Variants in VDAC1 observed in about 807,000 individuals in gnomAD.
VDAC1 encodes the protein voltage dependent anion channel 1.
VDAC1 carries 10 observed loss-of-function variants against 34.7 expected under a neutral mutation model. The ratio of observed to expected loss-of-function variants is 0.29; its 90% CI spans 0.18 to 0.49. The LOEUF (loss-of-function observed/expected upper bound fraction) is 0.49. Among genes scored for constraint, VDAC1 ranks in the 20% least tolerant of loss-of-function variants. The pLI, the probability that VDAC1 is intolerant of heterozygous loss-of-function variation, is 0.99. For synonymous variants in VDAC1, 130 were observed against 136.0 expected, an observed-to-expected ratio of 0.96 and a Z score of 0.30; for missense variants, 230 against 347.9, an observed-to-expected ratio of 0.66 and a Z score of 2.69.
chr5:134,006,435 C>T (rs915036435), upstream of VDAC1, among the ~76,000 whole-genome samples: 2 of 152,266 alleles, frequency 1.3e-5, no homozygotes, highest in East Asian at 3.9e-4. Flanking sequence ...CGCCACCTCT[C>T]AACTCCGCTT....
the VDAC1 span, among the ~76,000 whole-genome samples, chr5:134,100,823 A>G: frequency 6.6e-6 from 1 of 152,196 alleles, no homozygotes; most frequent in Non-Finnish European, 1.5e-5. Flanking sequence ...AGGCCCCTTG[A>G]CTTTCTCTCT....
chr5:133,979,620 G>A (rs2126916826), intron 6 of VDAC1, among the ~76,000 whole-genome samples: 1 of 151,872 alleles, frequency 6.6e-6, no homozygotes, highest in South Asian at 2.1e-4. Context: ...AGTAGAGATG[G>A]GGTTTCACCT....
chr5:133,984,924 A>G (rs571106038), intron 5 of VDAC1, among the ~76,000 whole-genome samples: 35 of 152,340 alleles, frequency 2.3e-4, no homozygotes, highest in Non-Finnish European at 3.5e-4. Context: ...TGACAGAGTG[A>G]GACTGTCTCA....
At chr5:134,057,101 G>A in the VDAC1 span, among the ~76,000 whole-genome samples, 30 of 152,182 alleles carry the variant, frequency 2.0e-4, no homozygotes, top group East Asian at 5.2e-3. Context: ...TTAGGAGGCC[G>A]ACGCAGGTGG....
chr5:134,042,867 C>T, the VDAC1 span, among the ~76,000 whole-genome samples: 1 of 152,200 alleles, frequency 6.6e-6, no homozygotes, highest in Non-Finnish European at 1.5e-5. Context: ...AACTGGGCTC[C>T]CCCAGGTCCC....
chr5:134,026,531 A>G, the VDAC1 span, among the ~76,000 whole-genome samples: 1 of 151,420 alleles, frequency 6.6e-6, no homozygotes, highest in Non-Finnish European at 1.5e-5. Flanking sequence ...AAAAAAAAAA[A>G]AAAAAAAACA....
chr5:133,989,818 C>T (rs1753037005), intron 5 of VDAC1, among the ~76,000 whole-genome samples: 1 of 152,188 alleles, frequency 6.6e-6, no homozygotes, highest in African/African-American at 2.4e-5. Context: ...ATGCGCCCAC[C>T]AGGCGCAGCT....
At chr5:134,021,760 G>A in the VDAC1 span, among the ~76,000 whole-genome samples, 2 of 152,198 alleles carry the variant, frequency 1.3e-5, no homozygotes, top group East Asian at 1.9e-4. Flanking sequence ...AGGTGGGGGG[G>A]CCTAGCCCCT....
At chr5:134,044,191 C>T in the VDAC1 span, among the ~76,000 whole-genome samples, 1 of 152,218 alleles carries the variant, frequency 6.6e-6, no homozygotes, top group Non-Finnish European at 1.5e-5. Context: ...GCTGGGCCTC[C>T]TCCAAGATCC....
At chr5:134,062,723 T>C in the VDAC1 span, among the ~76,000 whole-genome samples, 1 of 151,642 alleles carries the variant, frequency 6.6e-6, no homozygotes, top group Non-Finnish European at 1.5e-5. Flanking sequence ...ACCTCCCAGA[T>C]TCAAGCGATT....
At chr5:134,091,419 A>G in the VDAC1 span, among the ~76,000 whole-genome samples, 130,245 of 152,110 alleles carry the variant, frequency 0.86, 56,305 homozygotes, top group Non-Finnish European at 0.91. Flanking sequence ...ATATATGACT[A>G]GGCAGATGGG....
At chr5:134,021,003 CAA>C in the VDAC1 span, among the ~76,000 whole-genome samples, 56,618 of 139,336 alleles carry the variant, frequency 0.41, 11,229 homozygotes, top group Admixed American at 0.48. Flanking sequence ...ACAAAAAATA[CAA>C]AAAAAAAAAA....
chr5:134,111,943 C>T, the VDAC1 span, among the ~76,000 whole-genome samples: 1 of 152,158 alleles, frequency 6.6e-6, no homozygotes, highest in South Asian at 2.1e-4. Context: ...CCCTATGTCA[C>T]AGGGTTGGTG....
chr5:134,083,187 T>C, the VDAC1 span, among the ~76,000 whole-genome samples: 1 of 149,518 alleles, frequency 6.7e-6, no homozygotes, highest in African/African-American at 2.5e-5. Context: ...TTTCTTTTTT[T>C]TTCTTTTTTT....
intron 5 of VDAC1, among the ~76,000 whole-genome samples, chr5:133,984,747 CCAACATGG>C (rs1338848056): frequency 1.3e-5 from 2 of 152,078 alleles, no homozygotes; most frequent in Non-Finnish European, 2.9e-5. Context: ...ACCAGCCTGG[CCAACATGG>C]CAAAATTCCA....
At chr5:134,030,337 T>A in the VDAC1 span, among the ~76,000 whole-genome samples, 2 of 149,976 alleles carry the variant, frequency 1.3e-5, no homozygotes, top group Non-Finnish European at 3.0e-5. Context: ...TGAAACTCCA[T>A]CTCAAAAAAA....
At chr5:134,056,102 G>A in the VDAC1 span, among the ~76,000 whole-genome samples, 4 of 151,976 alleles carry the variant, frequency 2.6e-5, no homozygotes, top group East Asian at 5.9e-4. Context: ...GTAGCTGGAC[G>A]TGGTGGCATG....
chr5:134,007,738 C>T (rs1753779792), upstream of VDAC1, among the ~76,000 whole-genome samples: 1 of 152,156 alleles, frequency 6.6e-6, no homozygotes, highest in African/African-American at 2.4e-5. Context: ...GTCGGTGTTG[C>T]GAAGTTAACG....
chr5:134,086,052 C>T, the VDAC1 span, among the ~76,000 whole-genome samples: 1 of 151,984 alleles, frequency 6.6e-6, no homozygotes, highest in Non-Finnish European at 1.5e-5. Flanking sequence ...AAAATGTAGC[C>T]GGGTGTGATG....
Sources: gnomAD v4.1 joint callset for allele counts (sites outside exome capture counted in the v4.1 genomes callset) on GRCh38, gnomAD v4.1.1 for gene constraint, MANE v1.5 for transcripts, NCBI Gene and HGNC (gene_info 2026-07-23, HGNC 2026-07-21) for gene names.